The following NUP210L variants were observed in gnomAD, a reference collection of about 807,000 sequenced individuals.
The protein encoded by NUP210L is nuclear pore membrane glycoprotein 210-like.
NUP210L carries 74 observed loss-of-function variants against 208.5 expected under a neutral mutation model. The ratio of observed to expected loss-of-function variants is 0.35; its 90% CI spans 0.29 to 0.43. The LOEUF (loss-of-function observed/expected upper bound fraction) is 0.43. Among genes scored for constraint, NUP210L ranks in the 20% least tolerant of loss-of-function variants. The pLI, the probability that NUP210L is intolerant of heterozygous loss-of-function variation, is 1.00. For synonymous variants in NUP210L, 780 were observed against 816.9 expected (o/e 0.95, Z 0.77); for missense variants, 1,843 against 2,289.4 (o/e 0.81, Z 3.98).
intron 16 of NUP210L, among the ~76,000 whole-genome samples, chr1:154,073,850 A>T (rs1289439283): frequency 6.6e-6 from 1 of 151,088 alleles, no homozygotes; most frequent in African/African-American, 2.4e-5. Flanking sequence ...ATAAATAAAT[A>T]AATAAATAAA....
intron 2 of NUP210L, among the ~76,000 whole-genome samples, chr1:154,150,047 G>A (rs887818205): frequency 6.6e-6 from 1 of 152,136 alleles, no homozygotes; most frequent in Non-Finnish European, 1.5e-5. Context: ...AGGCAACATG[G>A]CGAAACCCCT....
chr1:154,123,316 TTG>T (rs900147025), intron 10 of NUP210L, among the ~76,000 whole-genome samples: 1 of 152,004 alleles, frequency 6.6e-6, no homozygotes, highest in African/African-American at 2.4e-5. Context: ...CAGCTAATTT[TTG>T]CATTTTTAGT....
Position 154,015,956 on chromosome 1 carries a change from A to AT in NUP210L, c.4653+2976_4653+2977insA, listed in dbSNP as rs1414902647. ...AATAAATAAATAAATAAATAAATAA[A>AT]AATAAAAAAAATAGATGGCTAGGTG... On this transcript the variant is annotated intron_variant, in intron 33 of 39. Transcript: ENST00000368559. Among the ~76,000 whole-genome samples the AT allele has an allele frequency of 9.6e-4, 142 of 147,356 alleles. 2 individuals carry two copies. The highest frequency in any genetic ancestry group is 2.1e-3 in the South Asian group (10 of 4,784).
rs1650546544 is a variant in NUP210L, at chr1:154,006,746, C to T, written c.4930+3226G>A. On this transcript the variant is annotated intron_variant, in intron 35 of 39. Coordinates refer to ENST00000368559, the Ensembl canonical transcript of NUP210L. The stretch of plus-strand genomic sequence containing the variant: ...CTGACCTCGGGTGATCTGCCTGCCT[C>T]GGCCTCCCAAACTGCTGGGATTACA... Among the ~76,000 whole-genome samples the T allele has an allele frequency of 2.0e-5, 3 of 148,974 alleles. No homozygotes were observed. The South Asian group carries it at 6.4e-4, about 32-fold the overall frequency.
At chr1:154,106,933 A>T (rs1656791763) in intron 12 of NUP210L, among the ~76,000 whole-genome samples, 2 of 152,184 alleles carry the variant, frequency 1.3e-5, no homozygotes, top group African/African-American at 4.8e-5. Flanking sequence ...TTGTTCAAAG[A>T]CTACAATTAA....
intron 13 of NUP210L, among the ~76,000 whole-genome samples, 170 bp downstream of exon 13, chr1:154,103,842 C>CAA (rs1373332454): frequency 6.6e-6 from 1 of 152,052 alleles, no homozygotes; most frequent in Non-Finnish European, 1.5e-5. Context: ...AGGCATTTGA[C>CAA]AAAATAAAGT....
chr1:154,075,520 G>T (rs1654987625), intron 16 of NUP210L, among the ~76,000 whole-genome samples: 1 of 152,034 alleles, frequency 6.6e-6, no homozygotes, highest in Non-Finnish European at 1.5e-5. Context: ...ATAGGTCAAA[G>T]AGTACAGATG....
chr1:153,999,560 A>G (rs780906826), intron 37 of NUP210L, among the ~76,000 whole-genome samples: 15 of 152,092 alleles, frequency 9.9e-5, no homozygotes, highest in Non-Finnish European at 1.8e-4. Flanking sequence ...CAACATGGTG[A>G]AACCCCATTT....
At chr1:154,101,932 C>T (rs1484244507) in intron 13 of NUP210L, among the ~76,000 whole-genome samples, 1 of 152,060 alleles carries the variant, frequency 6.6e-6, no homozygotes, top group Non-Finnish European at 1.5e-5. Context: ...GGTGGATTAC[C>T]TGAAGTCAGG....
At chr1:154,061,794 A>G in intron 17 of NUP210L, 120 bp from the exon 18 acceptor site, 1 of 685,716 alleles carries the variant, frequency 1.5e-6, no homozygotes, top group Non-Finnish European at 2.6e-6. Context: ...AGGGGAGGAA[A>G]AACTCTCAAT....
chr1:154,050,645 G>A (rs564093130), intron 25 of NUP210L, among the ~76,000 whole-genome samples: 198 of 152,224 alleles, frequency 1.3e-3, no homozygotes, highest in African/African-American at 4.6e-3. Flanking sequence ...TCCCTCTCAC[G>A]AAGGCATAAA....
chr1:154,123,069 A>AAAT (rs371321267), intron 10 of NUP210L, among the ~76,000 whole-genome samples: 20 of 142,896 alleles, frequency 1.4e-4, no homozygotes, highest in East Asian at 2.0e-4. Flanking sequence ...AAAAAAAAAA[A>AAAT]CCACAAAAAA....
At chr1:154,063,337 C>T (rs1046414565) in intron 17 of NUP210L, among the ~76,000 whole-genome samples, 2 of 151,992 alleles carry the variant, frequency 1.3e-5, no homozygotes, top group African/African-American at 4.8e-5. Context: ...AGAACATATG[C>T]AATATATGCA....
chr1:154,140,052 G>T, intron 4 of NUP210L, 100 bp from the exon 5 acceptor site: 3 of 968,410 alleles, frequency 3.1e-6, no homozygotes, highest in Non-Finnish European at 4.7e-6. Flanking sequence ...AATGTCTATA[G>T]AATGTAAAAC....
At chr1:154,062,547 TTCTC>T (rs1050991092) in intron 17 of NUP210L, among the ~76,000 whole-genome samples, 2 of 150,818 alleles carry the variant, frequency 1.3e-5, no homozygotes, top group African/African-American at 4.9e-5. Flanking sequence ...CTCTTCACCT[TTCTC>T]TCTCTTTTCT....
chr1:154,022,490 G>A (rs1368184891), intron 31 of NUP210L, 147 bp from the exon 32 acceptor site: 1 of 671,814 alleles, frequency 1.5e-6, no homozygotes, highest in Admixed American at 2.5e-5. Flanking sequence ...TATGGGCCAA[G>A]GATCAGTCTA....
At chr1:154,088,164 C>G (rs760576602) in intron 16 of NUP210L, among the ~76,000 whole-genome samples, 17 of 151,990 alleles carry the variant, frequency 1.1e-4, no homozygotes, top group Non-Finnish European at 1.5e-4. Flanking sequence ...ATGGCAAAAC[C>G]CCATCTCTAC....
At chr1:154,024,922 G>GTTTTT (rs71096508) in intron 30 of NUP210L, among the ~76,000 whole-genome samples, 76 of 83,676 alleles carry the variant, frequency 9.1e-4, no homozygotes, top group Middle Eastern at 7.5e-3. Flanking sequence ...AGGCTGATCT[G>GTTTTT]TTTTTTTTTT....
chr1:154,070,223 A>G, intron 17 of NUP210L, 50 bp downstream of exon 17: 1 of 1,422,140 alleles, frequency 7.0e-7, no homozygotes. Context: ...AAAACAAACA[A>G]ACAAAAAAAC....
Sources: allele counts gnomAD v4.1 joint callset (sites outside exome capture counted in the v4.1 genomes callset), GRCh38; gene constraint gnomAD v4.1.1; transcripts MANE v1.5; gene names NCBI Gene and HGNC (gene_info 2026-07-23, HGNC 2026-07-21).